Variants in CARNMT1 observed in about 807,000 individuals in gnomAD.
CARNMT1 encodes carnosine N-methyltransferase 1, also known as protein-L-histidine N-pros-methyltransferase CARNMT1.
In CARNMT1, 28 loss-of-function variants were observed where a neutral mutation model predicts 49.6. The ratio of observed to expected loss-of-function variants is 0.56; its 90% CI spans 0.42 to 0.77. The LOEUF (loss-of-function observed/expected upper bound fraction) is 0.77, where lower values mean the gene tolerates loss of function less well. Among genes scored for constraint, CARNMT1 ranks in the 30% least tolerant of loss-of-function variants. The pLI is 0.00. For missense variants in CARNMT1, 421 were observed against 512.6 expected (o/e 0.82, Z 1.73); for synonymous variants, 178 against 175.0 (o/e 1.02, Z -0.13).
intron 6 of CARNMT1, among the ~76,000 whole-genome samples, chr9:74,987,715 C>T (rs189629460): frequency 3.4e-4 from 51 of 151,978 alleles, no homozygotes; most frequent in African/African-American, 1.2e-3. Context: ...ACACAATTAT[C>T]CAGTTTTCAA....
chr9:75,007,981 C>G (rs1358855526), intron 3 of CARNMT1, among the ~76,000 whole-genome samples: 1 of 151,734 alleles, frequency 6.6e-6, no homozygotes, highest in African/African-American at 2.4e-5. Context: ...GGTACAAGAT[C>G]AACACACAAA....
intron 3 of CARNMT1, among the ~76,000 whole-genome samples, chr9:75,005,139 G>A (rs780069065): frequency 2.0e-5 from 3 of 152,016 alleles, no homozygotes; most frequent in Admixed American, 6.5e-5. Context: ...ATGTTCATAC[G>A]TGAGAAAAAG....
chr9:74,989,673 A>G (rs1163712179), intron 6 of CARNMT1, among the ~76,000 whole-genome samples: 1 of 152,140 alleles, frequency 6.6e-6, no homozygotes, highest in African/African-American at 2.4e-5. Flanking sequence ...TTCTTGCAAG[A>G]TCTGATGCTT....
Position 74,981,137 on chromosome 9 carries a change from T to C in CARNMT1, c.*2630A>G, listed in dbSNP as rs776443820. The C allele has an allele frequency of 6.6e-6, 1 of 152,168 alleles. No homozygotes were observed. The highest frequency in any genetic ancestry group is 1.5e-5 in the Non-Finnish European group (1 of 67,996). 9.4% of individuals were successfully genotyped at this position (152,168 alleles called of 1,614,324 possible). On this transcript the variant is annotated 3_prime_UTR_variant, in exon 8 of 8. Coordinates refer to ENST00000376834, the MANE Select transcript of CARNMT1 (RefSeq NM_152420.3). ...TCCAATTCAGCTTTTGTGGCAACTT[T>C]TAGAATGAGAGTTACATATAAATAC...
rs945035710 is a variant in CARNMT1, at chr9:75,016,437, T to TA, written c.427-7dup. 6.8e-6 allele frequency: 11 copies of TA among 1,612,230 alleles called. No individual in the cohort carries two copies. The African/African-American group carries it at 1.3e-4, about 20-fold the overall frequency. ...GGCATAATCTTTCCATTCCCCTGTT[T>TA]AAAAAACAGACATCAATTAGCTTCT... On this transcript the variant is annotated splice_polypyrimidine_tract_variant and splice_region_variant and intron_variant, in intron 2 of 7. Transcript: ENST00000376834.
intron 3 of CARNMT1, among the ~76,000 whole-genome samples, chr9:75,001,890 C>A (rs1833369089): frequency 1.3e-5 from 2 of 152,082 alleles, no homozygotes; most frequent in Admixed American, 1.3e-4. Flanking sequence ...AATGGTGAGA[C>A]AACCTTAAAC....
At chr9:74,993,792 C>A (rs1440411050) in intron 6 of CARNMT1, among the ~76,000 whole-genome samples, 1 of 152,130 alleles carries the variant, frequency 6.6e-6, no homozygotes, top group Non-Finnish European at 1.5e-5. Flanking sequence ...ACCACTCCCA[C>A]TGAAGAATGA....
chr9:75,020,355 C>A lies in CARNMT1; in HGVS notation c.231-2907G>T, dbSNP rs563290577. Reference sequence around the variant, plus strand: ...CGATCTCAGCTCACTGCAACCTCCCCCTCCCAGGTTCAAGCGACTCTCCTG... The same window carrying A: ...CGATCTCAGCTCACTGCAACCTCCCACTCCCAGGTTCAAGCGACTCTCCTG... On this transcript the variant is annotated intron_variant, in intron 1 of 7. Transcript: ENST00000376834. Among the ~76,000 whole-genome samples the A allele has an allele frequency of 2.0e-5, 3 of 151,088 alleles. 1 individual carries two copies. The South Asian group carries it at 6.3e-4, about 32-fold the overall frequency.
intron 5 of CARNMT1, among the ~76,000 whole-genome samples, chr9:74,997,925 C>G (rs1442504901): frequency 6.6e-6 from 1 of 152,020 alleles, no homozygotes; most frequent in Non-Finnish European, 1.5e-5. Flanking sequence ...CAACAAATAC[C>G]TATTGACTCA....
chr9:75,020,338 G>C (rs934342880), intron 1 of CARNMT1, among the ~76,000 whole-genome samples: 1 of 140,786 alleles, frequency 7.1e-6, no homozygotes, highest in Non-Finnish European at 1.5e-5. Flanking sequence ...CACGATCTCA[G>C]CTCACTGCAA....
intron 1 of CARNMT1, among the ~76,000 whole-genome samples, chr9:75,019,762 T>C (rs1213365916): frequency 1.3e-5 from 2 of 152,202 alleles, no homozygotes; most frequent in Admixed American, 1.3e-4. Context: ...TTGCATGTAA[T>C]TCCTGTATCT....
chr9:75,024,146 G>A (rs1350068019), intron 1 of CARNMT1, among the ~76,000 whole-genome samples: 1 of 152,150 alleles, frequency 6.6e-6, no homozygotes, highest in African/African-American at 2.4e-5. Flanking sequence ...CCATTCCTCT[G>A]CACCTAGTTG....
At chr9:74,999,286 G>C (rs1352471397) in intron 4 of CARNMT1, among the ~76,000 whole-genome samples, 2 of 152,248 alleles carry the variant, frequency 1.3e-5, no homozygotes, top group Non-Finnish European at 2.9e-5. Flanking sequence ...CAGAAGTTCT[G>C]AGAGATCTTT....
chr9:75,014,020 T>TAA (rs56029312), intron 3 of CARNMT1, among the ~76,000 whole-genome samples: 4 of 67,380 alleles, frequency 5.9e-5, no homozygotes, highest in African/African-American at 2.0e-4. Flanking sequence ...TCCACTTACT[T>TAA]AAAAAAAAAA....
chr9:75,000,745 A>AAATCC (rs1367704791), intron 3 of CARNMT1, among the ~76,000 whole-genome samples: 1 of 152,200 alleles, frequency 6.6e-6, no homozygotes, highest in East Asian at 1.9e-4. Context: ...TTCACAAATC[A>AAATCC]AATCCAATTT....
intron 3 of CARNMT1, chr9:75,010,095 C>T (rs1331026941): frequency 2.2e-5 from 3 of 138,078 alleles, no homozygotes; most frequent in South Asian, 2.4e-4. Flanking sequence ...AACTCTTTCT[C>T]TCTTATAAAA....
chr9:74,987,518 CA>C (rs1359134365), intron 6 of CARNMT1, among the ~76,000 whole-genome samples: 1 of 151,998 alleles, frequency 6.6e-6, no homozygotes, highest in Non-Finnish European at 1.5e-5. Flanking sequence ...CTAAGAAAGC[CA>C]GAGACAAAAA....
chr9:75,014,548 A>T (rs1411144918), intron 3 of CARNMT1, among the ~76,000 whole-genome samples: 1 of 152,100 alleles, frequency 6.6e-6, no homozygotes, highest in African/African-American at 2.4e-5. Context: ...AGAGGGAGGG[A>T]GGGAAGACGG....
intron 4 of CARNMT1, among the ~76,000 whole-genome samples, chr9:74,999,223 T>A (rs997467754): frequency 7.2e-5 from 11 of 152,078 alleles, no homozygotes; most frequent in Admixed American, 6.6e-4. Context: ...TCAATGTACA[T>A]CTTCTGGCTT....
Sources: allele counts gnomAD v4.1 joint callset (sites outside exome capture counted in the v4.1 genomes callset), GRCh38; gene constraint gnomAD v4.1.1; transcripts MANE v1.5; gene names NCBI Gene and HGNC (gene_info 2026-07-23, HGNC 2026-07-21).